SPEF2: variants seen among roughly 807,000 people sequenced by gnomAD.
SPEF2 encodes the protein sperm flagella and cilia-associated protein 2.
SPEF2 carries 187 observed loss-of-function variants against 224.6 expected under a neutral mutation model. The observed-to-expected ratio is 0.83, with a 90% CI of 0.74 to 0.94. The LOEUF is 0.94. SPEF2 is among the 40% of genes least tolerant of loss of function. The pLI is 0.00. For synonymous variants in SPEF2, 715 were observed against 707.3 expected, an observed-to-expected ratio of 1.01 and a Z score of -0.17; for missense variants, 2,170 against 2,135.6, an observed-to-expected ratio of 1.02 and a Z score of -0.32.
intron 10 of SPEF2, among the ~76,000 whole-genome samples, chr5:35,690,810 A>C (rs374189246): frequency 6.6e-6 from 1 of 152,292 alleles, no homozygotes; most frequent in Admixed American, 6.5e-5. Flanking sequence ...GCTCACTTTC[A>C]TAAGCTAAGA....
intron 27 of SPEF2, among the ~76,000 whole-genome samples, chr5:35,772,625 G>A (rs1386505763): frequency 6.6e-6 from 1 of 152,098 alleles, no homozygotes; most frequent in African/African-American, 2.4e-5. Flanking sequence ...GAGGATGGAG[G>A]AAGGAGTGGG....
At position 35,704,629 on chromosome 5, in the gene SPEF2, G is replaced by C. The variant is rs1314352624; in HGVS notation, c.2474G>C (p.Gly825Ala). Residue 825 changes from glycine to alanine, a missense_variant, in exon 17 of 37, where the codon GGA (glycine) becomes GCA (alanine). By Grantham distance (60) the Gly-to-Ala change is moderately conservative (BLOSUM62 0). Transcript: ENST00000356031. The part of the protein sequence containing the change: ...RVAAENQDKD[G>A]DQNLRDQIQH... The stretch of plus-strand genomic sequence containing the variant: ...GCTGCTGAAAACCAAGATAAGGATG[G>C]AGACCAAAATTTAAGAGACCAGATA... 2 of 1,612,594 alleles carry C rather than the reference G, an allele frequency of 1.2e-6. No individual in the cohort carries two copies. The highest frequency in any genetic ancestry group is 3.3e-5 in the Admixed American group (2 of 59,928).
chr5:35,761,219 TACTC>T (rs1358704309), intron 25 of SPEF2, among the ~76,000 whole-genome samples: 2 of 152,206 alleles, frequency 1.3e-5, no homozygotes, highest in African/African-American at 4.8e-5. Flanking sequence ...CTAGTTCTGT[TACTC>T]AATCATTGTA....
chr5:35,735,004 C>G (rs1377939702), intron 21 of SPEF2, among the ~76,000 whole-genome samples: 1 of 152,108 alleles, frequency 6.6e-6, no homozygotes, highest in African/African-American at 2.4e-5. Context: ...GACACCACGC[C>G]CGGCCATGAA....
At chr5:35,793,021 A>G in intron 31 of SPEF2, 138 bp from the exon 32 acceptor site, 1 of 752,766 alleles carries the variant, frequency 1.3e-6, no homozygotes, top group Non-Finnish European at 2.1e-6. Context: ...AAAGGAAACA[A>G]AAGTCAGAAC....
At chr5:35,762,842 G>A (rs1751508869) in intron 25 of SPEF2, among the ~76,000 whole-genome samples, 1 of 152,112 alleles carries the variant, frequency 6.6e-6, no homozygotes, top group Non-Finnish European at 1.5e-5. Flanking sequence ...TTCTACACAG[G>A]AGCAGCAATA....
chr5:35,725,083 G>A (rs577086311), intron 20 of SPEF2, among the ~76,000 whole-genome samples: 1 of 152,296 alleles, frequency 6.6e-6, no homozygotes, highest in Admixed American at 6.5e-5. Flanking sequence ...TCAACCGTGA[G>A]TTCTGAGAAC....
intron 15 of SPEF2, chr5:35,699,695 A>C (rs1361627385): frequency 6.6e-6 from 1 of 152,174 alleles, no homozygotes; most frequent in Non-Finnish European, 1.5e-5. Context: ...CCTCACAACT[A>C]CCTTATGAGG....
Position 35,806,621 on chromosome 5 carries a change from G to A in SPEF2, c.5011-86G>A. 2.7e-6 allele frequency: 4 copies of A among 1,490,900 alleles called. No individual in the cohort carries two copies. The East Asian group carries it at 9.1e-5, about 34-fold the overall frequency. 92.4% of individuals were successfully genotyped at this position (1,490,900 alleles called of 1,614,324 possible). ...GCTCTGTCATTCATGAAAAGTGTGT[G>A]ATTATGAAATTGGTATATTCTAAAA... On this transcript the variant is annotated intron_variant, in intron 34 of 36. Transcript: ENST00000356031.
At chr5:35,634,844 T>G (rs1229435466) in intron 2 of SPEF2, among the ~76,000 whole-genome samples, 2 of 152,102 alleles carry the variant, frequency 1.3e-5, no homozygotes, top group Non-Finnish European at 2.9e-5. Context: ...TATTTGTATA[T>G]TATTATCAAA....
chr5:35,642,790 G>A (rs760732153), intron 3 of SPEF2, among the ~76,000 whole-genome samples: 8 of 152,254 alleles, frequency 5.3e-5, no homozygotes, highest in African/African-American at 9.6e-5. Context: ...CAGCAATGAC[G>A]TAATAGATAT....
At chr5:35,686,957 G>A (rs563884427) in intron 10 of SPEF2, among the ~76,000 whole-genome samples, 4 of 151,932 alleles carry the variant, frequency 2.6e-5, no homozygotes, top group African/African-American at 9.7e-5. Context: ...GTGTGTGTGT[G>A]CTTGAGGATG....
At chr5:35,792,231 A>C in intron 30 of SPEF2, 109 bp from the exon 31 acceptor site, 1 of 649,702 alleles carries the variant, frequency 1.5e-6, no homozygotes. Context: ...ACCATTTTAT[A>C]TAATATGAAT....
At position 35,705,688 on chromosome 5, in the gene SPEF2, C is replaced by G; in HGVS notation, c.2545C>G (p.Gln849Glu). 1 of 1,589,982 alleles carries G rather than the reference C, an allele frequency of 6.3e-7. No individual in the cohort carries two copies. The highest frequency in any genetic ancestry group is 8.5e-7 in the Non-Finnish European group (1 of 1,172,704). The change falls in exon 18 of 37, where the codon CAA (glutamine) becomes GAA (glutamate). Residue 849 changes from glutamine to glutamate, a missense_variant. Gln to Glu is a conservative substitution (Grantham distance 29, BLOSUM62 2). Coordinates refer to ENST00000356031, the MANE Select transcript of SPEF2 (RefSeq NM_024867.4). ...CTTGGACAACTGGCCTTTATTGGAGCAATGGTTTTCAGAGCCAGAAAATAT... is the reference window on the plus strand; with the variant it reads ...CTTGGACAACTGGCCTTTATTGGAGGAATGGTTTTCAGAGCCAGAAAATAT... ...GFLDNWPLLE[Q>E]WFSEPENILI...
chr5:35,804,293 C>T (rs183888418), intron 34 of SPEF2, among the ~76,000 whole-genome samples: 81 of 152,316 alleles, frequency 5.3e-4, no homozygotes, highest in Admixed American at 4.2e-3. Flanking sequence ...GAGAGTTAGC[C>T]AAGTGTGACA....
At chr5:35,704,909 A>T (rs1402249610) in intron 17 of SPEF2, among the ~76,000 whole-genome samples, 1 of 152,108 alleles carries the variant, frequency 6.6e-6, no homozygotes, top group Admixed American at 6.5e-5. Flanking sequence ...TTACGGTTAC[A>T]TGCACTTATA....
intron 36 of SPEF2, among the ~76,000 whole-genome samples, chr5:35,808,470 A>G (rs891814944): frequency 3.3e-5 from 5 of 151,838 alleles, no homozygotes; most frequent in East Asian, 3.9e-4. Context: ...TCATTGTTCA[A>G]TTCCCACCTA....
intron 5 of SPEF2, among the ~76,000 whole-genome samples, chr5:35,648,364 GT>G (rs947881057): frequency 4.1e-5 from 6 of 146,476 alleles, no homozygotes; most frequent in African/African-American, 1.0e-4. Flanking sequence ...GTTGATTAAA[GT>G]TTTTTTTTTG....
At position 35,708,585 on chromosome 5, in the gene SPEF2, T is replaced by TAACTATCACC. The variant is rs1258202403; in HGVS notation, c.2666-362_2666-361insACTATCACCA. ...ACCACTACCACACCACCACCATCACTACCACCATCCCCACCACAGACTTCA... is the reference window on the plus strand; with the variant it reads ...ACCACTACCACACCACCACCATCACTAACTATCACCACCACCATCCCCACCACAGACTTCA... On this transcript the variant is annotated intron_variant, in intron 18 of 36. Coordinates refer to ENST00000356031, the MANE Select transcript of SPEF2 (RefSeq NM_024867.4). Among the ~76,000 whole-genome samples, 40 of 7,300 alleles carry TAACTATCACC rather than the reference T, an allele frequency of 5.5e-3. 1 individual carries two copies. Among genetic ancestry groups the TAACTATCACC allele is most frequent in the East Asian group, 0.011 (2 of 190 alleles). The allele number at this position is 7,300 out of a possible 152,430, so 4.8% of individuals were successfully genotyped here. A position where few individuals can be genotyped will look rare whatever the true frequency, so the allele number is the denominator to read the frequency against.
Sources: allele counts gnomAD v4.1 joint callset (sites outside exome capture counted in the v4.1 genomes callset), GRCh38; gene constraint gnomAD v4.1.1; transcripts MANE v1.5; gene names NCBI Gene and HGNC (gene_info 2026-07-23, HGNC 2026-07-21).